Variants in DNAH11 observed in about 807,000 individuals in gnomAD.
DNAH11 encodes the protein dynein axonemal heavy chain 11.
DNAH11 carries 442 observed loss-of-function variants against 526.0 expected under a neutral mutation model. The observed-to-expected ratio is 0.84, with a 90% CI of 0.78 to 0.91. The LOEUF is 0.91. DNAH11 is among the 40% of genes least tolerant of loss of function. The pLI is 0.00. For missense variants in DNAH11, 6,989 were observed against 5,448.7 expected, an observed-to-expected ratio of 1.28 and a Z score of -8.90; for synonymous variants, 2,461 against 1,935.9, an observed-to-expected ratio of 1.27 and a Z score of -7.12.
At chr7:21,793,930 C>G (rs889012127) in intron 61 of DNAH11, among the ~76,000 whole-genome samples, 1 of 152,142 alleles carries the variant, frequency 6.6e-6, no homozygotes, top group African/African-American at 2.4e-5. Flanking sequence ...TGAGGTCATT[C>G]TCTGTAGACA....
At position 21,577,333 on chromosome 7, in the gene DNAH11, C is replaced by G. The variant is rs116003261; in HGVS notation, c.1594-4572C>G. On this transcript the variant is annotated intron_variant, in intron 8 of 81. Coordinates refer to ENST00000409508, the MANE Select transcript of DNAH11 (RefSeq NM_001277115.2). ...GAGCTGAGTGGGGAGCCTAGACTTA[C>G]ACCCTTTCTGTCTGAAAATGCTCCA... 7.0e-3 allele frequency among the ~76,000 whole-genome samples: 1,068 copies of G among 152,334 alleles called. 11 individuals are homozygous for G. The highest frequency in any genetic ancestry group is 0.024 in the African/African-American group (977 of 41,574).
chr7:21,779,453 G>A (rs1226452813), intron 57 of DNAH11, among the ~76,000 whole-genome samples: 1 of 152,102 alleles, frequency 6.6e-6, no homozygotes, highest in African/African-American at 2.4e-5. Flanking sequence ...TAGGCAAATT[G>A]AACAACTCAA....
At chr7:21,598,526 T>C (rs1784950667) in intron 14 of DNAH11, among the ~76,000 whole-genome samples, 2 of 152,170 alleles carry the variant, frequency 1.3e-5, no homozygotes, top group African/African-American at 4.8e-5. Flanking sequence ...AGAACTTCCC[T>C]AGTCCAGTGT....
At chr7:21,662,619 T>G (rs1782281650) in intron 30 of DNAH11, among the ~76,000 whole-genome samples, 1 of 152,134 alleles carries the variant, frequency 6.6e-6, no homozygotes, top group Non-Finnish European at 1.5e-5. Context: ...GTAAGAATGT[T>G]TAAAAGGTAC....
intron 62 of DNAH11, among the ~76,000 whole-genome samples, chr7:21,804,583 T>C (rs1252372735): frequency 6.6e-6 from 1 of 152,222 alleles, no homozygotes; most frequent in Non-Finnish European, 1.5e-5. Flanking sequence ...CTTCCAGTTT[T>C]TCTGGCCCAA....
At chr7:21,717,995 A>G in intron 43 of DNAH11, 70 bp downstream of exon 43, 9 of 1,524,388 alleles carry the variant, frequency 5.9e-6, no homozygotes, top group Non-Finnish European at 7.9e-6. Flanking sequence ...AAGACAACAG[A>G]AGATCTTGCC....
At chr7:21,711,049 G>A (rs911883757) in intron 41 of DNAH11, among the ~76,000 whole-genome samples, 7 of 152,078 alleles carry the variant, frequency 4.6e-5, no homozygotes, top group African/African-American at 1.2e-4. Context: ...ATGAAAGAAC[G>A]GGTTTGTGCC....
chr7:21,638,844 T>C lies in DNAH11; in HGVS notation c.4818-95T>C, dbSNP rs1205623259. On this transcript the variant is annotated intron_variant, in intron 27 of 81. Transcript: ENST00000409508. ...TACCTGTTAAACAGTGAGTTTACTA[T>C]AATGAATGGACATAGAGGACTTGAG... 6.3e-6 allele frequency: 9 copies of C among 1,417,466 alleles called. No individual in the cohort carries two copies. In the Admixed American group the frequency reaches 6.7e-5, roughly 11 times the overall value. 87.8% of individuals were successfully genotyped at this position (1,417,466 alleles called of 1,614,324 possible). A position where few individuals can be genotyped will look rare whatever the true frequency, so the allele number is the denominator to read the frequency against.
chr7:21,742,305 G>C, intron 49 of DNAH11, 139 bp downstream of exon 49: 1 of 1,057,936 alleles, frequency 9.5e-7, no homozygotes, highest in Non-Finnish European at 1.3e-6. Context: ...ATTGGCTTAT[G>C]GTTCTGCAGG....
At chr7:21,840,238 C>G (rs980506358) in intron 65 of DNAH11, among the ~76,000 whole-genome samples, 1 of 152,198 alleles carries the variant, frequency 6.6e-6, no homozygotes, top group Non-Finnish European at 1.5e-5. Flanking sequence ...GATAGAACAT[C>G]TTTTCTTTAG....
chr7:21,715,897 G>T (rs552367323), intron 42 of DNAH11, among the ~76,000 whole-genome samples: 1 of 147,486 alleles, frequency 6.8e-6, no homozygotes, highest in South Asian at 2.1e-4. Context: ...AGCAGAATCG[G>T]CTCTTACCAC....
At chr7:21,705,832 T>G (rs567413097) in intron 39 of DNAH11, among the ~76,000 whole-genome samples, 1 of 152,298 alleles carries the variant, frequency 6.6e-6, no homozygotes, top group African/African-American at 2.4e-5. Context: ...ATGCAGGCAT[T>G]TCGATATACA....
In DNAH11 at chr7:21,722,741, C is replaced by T. The variant is rs188461692; in HGVS notation, c.7266+1885C>T. Among the ~76,000 whole-genome samples the T allele has an allele frequency of 1.6e-3, 240 of 152,280 alleles. 1 individual carries two copies. Among genetic ancestry groups the T allele is most frequent in the Admixed American group, 3.9e-3 (59 of 15,302 alleles). ...ACTTCATGTGGCTTTCTCAGAGGCA[C>T]GGTTTACAACATGTGTGGGTTTCTT... On this transcript the variant is annotated intron_variant, in intron 44 of 81. Transcript: ENST00000409508.
At chr7:21,761,774 A>G (rs1786930257) in intron 54 of DNAH11, among the ~76,000 whole-genome samples, 1 of 152,208 alleles carries the variant, frequency 6.6e-6, no homozygotes, top group Non-Finnish European at 1.5e-5. Context: ...AATACATAAC[A>G]TGGGAGAAAA....
At chr7:21,616,406 C>A (rs1235877354) in intron 22 of DNAH11, 114 bp downstream of exon 22, 7 of 758,484 alleles carry the variant, frequency 9.2e-6, no homozygotes, top group Non-Finnish European at 1.5e-5. Context: ...TTACTTCTAA[C>A]AGAGTGATAG....
intron 79 of DNAH11, 85 bp from the exon 80 acceptor site, chr7:21,899,251 T>G: frequency 9.4e-7 from 1 of 1,067,038 alleles, no homozygotes; most frequent in African/African-American, 1.5e-5. Context: ...ACCACCACCC[T>G]GCCCTAACCG....
intron 28 of DNAH11, among the ~76,000 whole-genome samples, chr7:21,645,758 C>CAGATATCTAAAAATCAGATATCTAAATA (rs1787328427): frequency 6.7e-6 from 1 of 150,212 alleles, no homozygotes; most frequent in African/African-American, 2.4e-5. Flanking sequence ...ATATCTAAAT[C>CAGATATCTAAAAATCAGATATCTAAATA]AGATATCTAA....
chr7:21,766,580 A>G (rs1051831224), intron 55 of DNAH11, among the ~76,000 whole-genome samples: 16 of 152,236 alleles, frequency 1.1e-4, no homozygotes, highest in African/African-American at 3.6e-4. Flanking sequence ...TTCCAAAGCA[A>G]TCCTTTTACA....
chr7:21,711,735 G>A lies in DNAH11; in HGVS notation c.6858G>A (p.Glu2286=). 6.2e-7 allele frequency: 1 copy of A among 1,613,738 alleles called. No homozygotes were observed. Among genetic ancestry groups the A allele is most frequent in the Non-Finnish European group, 8.5e-7 (1 of 1,179,740 alleles). The part of the protein sequence containing the change: ...DNKVLTLASN[E]RIALTPFMRL... ...AGGTGCTGACCCTCGCCAGCAATGAGCGCATTGCACTCACTCCCTTCATGA... is the reference window on the plus strand; with the variant it reads ...AGGTGCTGACCCTCGCCAGCAATGAACGCATTGCACTCACTCCCTTCATGA... The change falls in exon 42 of 82, where the codon GAG becomes GAA. Residue 2286 remains glutamate (E), a synonymous_variant. Coordinates refer to ENST00000409508, the MANE Select transcript of DNAH11 (RefSeq NM_001277115.2).
Sources: allele counts gnomAD v4.1 joint callset (sites outside exome capture counted in the v4.1 genomes callset), GRCh38; gene constraint gnomAD v4.1.1; transcripts MANE v1.5; gene names NCBI Gene and HGNC (gene_info 2026-07-23, HGNC 2026-07-21).